The following GPLD1 variants were observed in gnomAD, a reference collection of about 807,000 sequenced individuals.
GPLD1 encodes glycosylphosphatidylinositol specific phospholipase D1.
In GPLD1, 84 loss-of-function variants were observed where a neutral mutation model predicts 112.6. The ratio of observed to expected loss-of-function variants is 0.75; its 90% CI spans 0.63 to 0.89. The LOEUF (loss-of-function observed/expected upper bound fraction) is 0.89, where lower values mean the gene tolerates loss of function less well. Among genes scored for constraint, GPLD1 ranks in the 40% least tolerant of loss-of-function variants. The pLI is 0.00. For missense variants in GPLD1, 1,044 were observed against 1,051.5 expected, an observed-to-expected ratio of 0.99 and a Z score of 0.10; for synonymous variants, 386 against 403.8, an observed-to-expected ratio of 0.96 and a Z score of 0.53.
chr6:24,479,842 TA>T, intron 3 of GPLD1, 38 bp downstream of exon 3: 1 of 1,106,586 alleles, frequency 9.0e-7, no homozygotes, highest in Non-Finnish European at 1.4e-6. Context: ...ATTAACCAAG[TA>T]AAAGTGACTT....
In GPLD1 at chr6:24,445,886, AG is replaced by A. The variant is rs1313382039; in HGVS notation, c.1821-56del. 1.9e-5 allele frequency: 24 copies of A among 1,254,244 alleles called. No homozygotes were observed. In the East Asian group the frequency reaches 5.1e-4, roughly 27 times the overall value. The allele number at this position is 1,254,244 out of a possible 1,614,324, so 77.7% of individuals were successfully genotyped here. ...CAGGGCACAAGACTGACAGCTGGCC[AG>A]GTACTCAGGAGCAAGGAAAGGAAAT... On this transcript the variant is annotated intron_variant, in intron 18 of 24. Transcript: ENST00000230036.
rs1184911495 is a variant in GPLD1, at chr6:24,437,226, T to C, written c.2084A>G (p.Tyr695Cys). The change falls in exon 21 of 25, where the codon TAC becomes TGC. Residue 695 changes from tyrosine to cysteine, a missense_variant. Tyr to Cys is a radical substitution (Grantham distance 194, BLOSUM62 -2). Transcript: ENST00000230036. ...AGGCTGCGCGTCAGATGTGAGTGCG[T>C]ACATGCGAGTGGCTCCGCCTTGGTG... is the stretch of plus-strand genomic sequence containing the variant. ...TLHQGGATRM[Y>C]ALTSDAQPLL... is the part of the protein sequence containing the mutation. 2 of 1,614,072 alleles carry C rather than the reference T, an allele frequency of 1.2e-6. No individual in the cohort carries two copies. Among genetic ancestry groups the C allele is most frequent in the Non-Finnish European group, 1.7e-6 (2 of 1,180,002 alleles).
At chr6:24,424,457 A>G (rs991370348), downstream of GPLD1, 1 of 140,886 alleles carries the variant, frequency 7.1e-6, no homozygotes, top group South Asian at 2.3e-4. Context: ...CTGCCCCAAA[A>G]AGAAAAATGT....
chr6:24,449,295 C>T (rs1763006601), intron 15 of GPLD1, among the ~76,000 whole-genome samples: 1 of 152,070 alleles, frequency 6.6e-6, no homozygotes, highest in Non-Finnish European at 1.5e-5. Context: ...TCCACAGTCA[C>T]ACATGGTGCC....
intron 20 of GPLD1, among the ~76,000 whole-genome samples, chr6:24,438,581 C>T (rs1762650157): frequency 6.6e-6 from 1 of 152,164 alleles, no homozygotes; most frequent in South Asian, 2.1e-4. Context: ...TCGGCAACAA[C>T]AGTCAGATAT....
rs115456891 is a variant in GPLD1, at chr6:24,436,976, C to T, written c.2197+137G>A. ...TGCAACTCCCTCTCTGGTCTTGCCTCATTCAAGATCTGTCTAAAGGTCCTT... is the reference window on the plus strand; with the variant it reads ...TGCAACTCCCTCTCTGGTCTTGCCTTATTCAAGATCTGTCTAAAGGTCCTT... On this transcript the variant is annotated intron_variant, in intron 21 of 24. Transcript: ENST00000230036. 9.6e-3 allele frequency: 7,568 copies of T among 789,364 alleles called. 56 individuals are homozygous for T. Among genetic ancestry groups the T allele is most frequent in the Admixed American group, 0.015 (554 of 37,856 alleles). The allele number at this position is 789,364 out of a possible 1,614,324, so 48.9% of individuals were successfully genotyped here.
chr6:24,494,931 C>T, intron 1 of GPLD1: 2 of 1,262,306 alleles, frequency 1.6e-6, no homozygotes, highest in Non-Finnish European at 2.0e-6. Context: ...TGCTTCCCCG[C>T]GACCCCTGCG....
chr6:24,425,127 CTT>C (rs2127300933), downstream of GPLD1: 2 of 152,288 alleles, frequency 1.3e-5, no homozygotes, highest in East Asian at 3.9e-4. Context: ...TTACGAATCT[CTT>C]AGGATTTTTA....
At chr6:24,442,684 TCCAC>T (rs1384688689) in intron 20 of GPLD1, among the ~76,000 whole-genome samples, 1 of 151,826 alleles carries the variant, frequency 6.6e-6, no homozygotes, top group African/African-American at 2.4e-5. Context: ...GACCTCATGA[TCCAC>T]CCACCTCAGC....
At chr6:24,455,361 A>G (rs966191386) in intron 13 of GPLD1, among the ~76,000 whole-genome samples, 5 of 152,216 alleles carry the variant, frequency 3.3e-5, no homozygotes, top group Non-Finnish European at 5.9e-5. Context: ...CCTGCACTAG[A>G]GCTGAATGCA....
At position 24,460,375 on chromosome 6, in the gene GPLD1, AAAATCATTTTT is replaced by A; in HGVS notation, c.901_911del (p.Lys301SerfsTer10). 1 of 1,613,880 alleles carries A rather than the reference AAAATCATTTTT, an allele frequency of 6.2e-7. No individual in the cohort carries two copies. The highest frequency in any genetic ancestry group is 1.1e-5 in the South Asian group (1 of 91,070). On this transcript the variant is annotated frameshift_variant, in exon 12 of 25. Transcript: ENST00000230036. LOFTEE classifies it high-confidence loss of function. ...TTAGGGATGTAGTCAAATTTCTGTG[AAAATCATTTTT>A]CTGCATTTTTGAGCTGTTGAAGAGA... is the stretch of plus-strand genomic sequence containing the variant.
intron 24 of GPLD1, among the ~76,000 whole-genome samples, chr6:24,429,741 T>C (rs1041774739): frequency 3.9e-5 from 6 of 152,162 alleles, no homozygotes; most frequent in African/African-American, 1.2e-4. Flanking sequence ...AGAGACGAGC[T>C]CTCACCATGT....
intron 11 of GPLD1, among the ~76,000 whole-genome samples, chr6:24,461,364 A>G (rs976310798): frequency 2.0e-5 from 3 of 152,210 alleles, no homozygotes; most frequent in Non-Finnish European, 2.9e-5. Context: ...AAGTTACCCA[A>G]TTCAAATACA....
At chr6:24,460,529 G>A in intron 11 of GPLD1, 130 bp from the exon 12 acceptor site, 1 of 876,226 alleles carries the variant, frequency 1.1e-6, no homozygotes, top group Non-Finnish European at 1.8e-6. Flanking sequence ...GAAGGCTGAA[G>A]GAGCAACACA....
chr6:24,439,818 G>A (rs1406212576), intron 20 of GPLD1, among the ~76,000 whole-genome samples: 1 of 152,202 alleles, frequency 6.6e-6, no homozygotes, highest in Admixed American at 6.5e-5. Context: ...CTATAACACA[G>A]AATTCCTTCT....
In GPLD1 at chr6:24,489,332, C is replaced by T. The variant is rs1401542710; in HGVS notation, c.97+83G>A. On this transcript the variant is annotated intron_variant, in intron 1 of 24. Coordinates refer to ENST00000230036, the MANE Select transcript of GPLD1 (RefSeq NM_001503.4). The stretch of plus-strand genomic sequence containing the variant: ...GCCCAGGGGAAACTGTATCAATCCA[C>T]GAGCGGGATTTTCAGTCTCTTCCTT... 1.8e-5 allele frequency: 19 copies of T among 1,032,730 alleles called. No homozygotes were observed. In the East Asian group the frequency reaches 2.8e-4, roughly 15 times the overall value. The allele number at this position is 1,032,730 out of a possible 1,614,324, so 64.0% of individuals were successfully genotyped here.
chr6:24,479,510 T>C (rs1764131971), intron 3 of GPLD1, among the ~76,000 whole-genome samples: 1 of 152,232 alleles, frequency 6.6e-6, no homozygotes, highest in Non-Finnish European at 1.5e-5. Context: ...TGCCAAGACA[T>C]GAAAATTGAG....
chr6:24,472,429 G>C (rs1309112568), intron 7 of GPLD1, among the ~76,000 whole-genome samples, 153 bp downstream of exon 7: 1 of 152,126 alleles, frequency 6.6e-6, no homozygotes, highest in Non-Finnish European at 1.5e-5. Flanking sequence ...ATTTCTCAAA[G>C]AATCTAAACT....
chr6:24,471,377 C>A (rs1348056892), intron 7 of GPLD1, among the ~76,000 whole-genome samples: 2 of 151,846 alleles, frequency 1.3e-5, no homozygotes, highest in African/African-American at 4.8e-5. Context: ...GTGGGAGGAT[C>A]ATTTGGGCCT....
Sources: gnomAD v4.1 joint callset for allele counts (sites outside exome capture counted in the v4.1 genomes callset) on GRCh38, gnomAD v4.1.1 for gene constraint, MANE v1.5 for transcripts, NCBI Gene and HGNC (gene_info 2026-07-23, HGNC 2026-07-21) for gene names.